OCLN: variants seen among roughly 807,000 people sequenced by gnomAD.
OCLN encodes phosphatase 1, regulatory subunit 115.
In OCLN, 21 loss-of-function variants were observed where a neutral mutation model predicts 47.9. The ratio of observed to expected loss-of-function variants is 0.44; its 90% CI spans 0.31 to 0.63. The LOEUF is 0.63. Ranked by LOEUF, OCLN falls within the 30% of genes least tolerant of loss-of-function variation. OCLN has a pLI of 0.08. For synonymous variants in OCLN, 117 were observed against 198.4 expected, an observed-to-expected ratio of 0.59 and a Z score of 3.45; for missense variants, 360 against 571.0, an observed-to-expected ratio of 0.63 and a Z score of 3.77.
At chr5:69,495,646 A>G (rs912090547) in intron 1 of OCLN, among the ~76,000 whole-genome samples, 2 of 152,198 alleles carry the variant, frequency 1.3e-5, no homozygotes, top group Non-Finnish European at 2.9e-5. Context: ...TCCAGCGACC[A>G]GGGATATAAA....
chr5:69,503,068 T>C (rs1371680259), intron 1 of OCLN, among the ~76,000 whole-genome samples: 3 of 152,188 alleles, frequency 2.0e-5, no homozygotes, highest in African/African-American at 7.2e-5. Flanking sequence ...TAATCAACCA[T>C]GGAGGGTCGT....
intron 4 of OCLN, among the ~76,000 whole-genome samples, chr5:69,515,640 C>T (rs1182998902): frequency 6.7e-6 from 1 of 149,912 alleles, no homozygotes; most frequent in Admixed American, 6.6e-5. Flanking sequence ...GGGGGCTGAC[C>T]CCCCCACCTC....
chr5:69,507,323 C>T (rs1279724756), intron 2 of OCLN, among the ~76,000 whole-genome samples: 2 of 152,002 alleles, frequency 1.3e-5, no homozygotes, highest in African/African-American at 2.4e-5. Context: ...TTAGTAGAGA[C>T]GGGGTTTCGC....
At chr5:69,504,335 T>G in intron 2 of OCLN, 41 bp downstream of exon 2, 1 of 1,189,464 alleles carries the variant, frequency 8.4e-7, no homozygotes, top group Non-Finnish European at 1.3e-6. Flanking sequence ...TTAAAAAGTC[T>G]ATCACATGTA....
intron 4 of OCLN, among the ~76,000 whole-genome samples, chr5:69,515,418 T>C (rs1432023571): frequency 1.5e-3 from 111 of 72,988 alleles, no homozygotes; most frequent in Middle Eastern, 0.011. Flanking sequence ...CTGACCCCCC[T>C]ACCTCCCTCC....
chr5:69,526,109 A>G (rs894945106), intron 4 of OCLN, among the ~76,000 whole-genome samples: 39 of 152,310 alleles, frequency 2.6e-4, no homozygotes, highest in African/African-American at 7.9e-4. Context: ...AAACTTTTGC[A>G]GGCAACAGAA....
intron 4 of OCLN, among the ~76,000 whole-genome samples, chr5:69,515,924 C>T (rs1363408971): frequency 3.3e-5 from 5 of 151,624 alleles, no homozygotes; most frequent in Middle Eastern, 3.4e-3. Flanking sequence ...ACGCTCCTCA[C>T]TTCCTAGATG....
At chr5:69,501,054 T>A (rs1411672566) in intron 1 of OCLN, among the ~76,000 whole-genome samples, 1 of 152,072 alleles carries the variant, frequency 6.6e-6, no homozygotes, top group African/African-American at 2.4e-5. Flanking sequence ...GTAGCTGGGA[T>A]TACAGGCACG....
chr5:69,496,285 A>AGGCGGGGTTTCACTGTGTT (rs1263357004), intron 1 of OCLN, among the ~76,000 whole-genome samples: 7 of 151,994 alleles, frequency 4.6e-5, no homozygotes, highest in Admixed American at 4.6e-4. Context: ...TTTTTAATAG[A>AGGCGGGGTTTCACTGTGTT]GGCGGGGTTT....
intron 4 of OCLN, among the ~76,000 whole-genome samples, chr5:69,515,143 C>T (rs1311290093): frequency 1.4e-5 from 2 of 143,948 alleles, no homozygotes; most frequent in African/African-American, 5.1e-5. Context: ...GGCGGCTGGC[C>T]GGGCGGGGGG....
chr5:69,531,918 C>A (rs938860590), intron 4 of OCLN, among the ~76,000 whole-genome samples: 1 of 152,132 alleles, frequency 6.6e-6, no homozygotes, highest in Non-Finnish European at 1.5e-5. Context: ...TGAAGCTGAA[C>A]CTAATTGTAA....
rs1363466324 is a variant in OCLN at position 69,514,067 on chromosome 5, G to A, written c.849G>A (p.Lys283=). 1.2e-6 allele frequency: 2 copies of A among 1,614,102 alleles called. No individual in the cohort carries two copies. The highest frequency in any genetic ancestry group is 1.6e-4 in the Middle Eastern group (1 of 6,062). ...RYDKSNILWD[K]EHIYDEQPPN... is the part of the protein sequence containing the mutation. ...ACAAGTCCAATATTTTGTGGGACAA[G>A]GAACACATTTATGATGAGCAGCCCC... Residue 283 remains lysine (K), a synonymous_variant, in exon 4 of 9, where the codon AAG becomes AAA. Transcript: ENST00000396442.
At chr5:69,512,782 T>G (rs1768822364) in intron 3 of OCLN, among the ~76,000 whole-genome samples, 1 of 152,230 alleles carries the variant, frequency 6.6e-6, no homozygotes, top group Non-Finnish European at 1.5e-5. Flanking sequence ...AGCAAGTGAT[T>G]CAAATGTGCA....
intron 5 of OCLN, among the ~76,000 whole-genome samples, chr5:69,536,680 A>C (rs1375091619): frequency 2.6e-5 from 4 of 151,002 alleles, no homozygotes; most frequent in Admixed American, 6.6e-5. Context: ...CAAAAAAAAA[A>C]ACAAAAGGCC....
intron 4 of OCLN, among the ~76,000 whole-genome samples, chr5:69,517,314 A>ATAT (rs1491391777): frequency 7.6e-6 from 1 of 131,916 alleles, no homozygotes; most frequent in African/African-American, 3.1e-5. Flanking sequence ...ATATATATAT[A>ATAT]TTTTTTTTTT....
intron 7 of OCLN, among the ~76,000 whole-genome samples, chr5:69,549,417 C>T (rs1323064536): frequency 2.0e-5 from 3 of 147,182 alleles, no homozygotes; most frequent in Non-Finnish European, 4.5e-5. Context: ...TTAAATCCTA[C>T]CATCAAGAAA....
chr5:69,523,647 T>C (rs28502308), intron 4 of OCLN, among the ~76,000 whole-genome samples: 1 of 151,918 alleles, frequency 6.6e-6, no homozygotes, highest in African/African-American at 2.4e-5. Flanking sequence ...GCGATTCTCC[T>C]GCCTCAGCCT....
intron 1 of OCLN, among the ~76,000 whole-genome samples, chr5:69,501,239 C>G (rs1323098585): frequency 6.6e-6 from 1 of 152,166 alleles, no homozygotes; most frequent in Non-Finnish European, 1.5e-5. Flanking sequence ...CCTTAATGTT[C>G]TTTTTCTGAA....
intron 3 of OCLN, among the ~76,000 whole-genome samples, chr5:69,511,591 T>A (rs558098058): frequency 2.6e-5 from 4 of 152,088 alleles, no homozygotes; most frequent in African/African-American, 9.6e-5. Context: ...TTTTAAAAAA[T>A]TTTTTGTAGA....
Sources: allele counts gnomAD v4.1 joint callset (sites outside exome capture counted in the v4.1 genomes callset), GRCh38; gene constraint gnomAD v4.1.1; transcripts MANE v1.5; gene names NCBI Gene and HGNC (gene_info 2026-07-23, HGNC 2026-07-21).